KLHL36: variants seen among roughly 807,000 people sequenced by gnomAD.
KLHL36 encodes the protein kelch-like protein 36.
KLHL36 carries 35 observed loss-of-function variants against 53.3 expected under a neutral mutation model. The ratio of observed to expected loss-of-function variants is 0.66; its 90% CI spans 0.50 to 0.87. KLHL36 has a LOEUF of 0.87. Ranked by LOEUF, KLHL36 falls within the 40% of genes least tolerant of loss-of-function variation. The pLI is 0.00. For synonymous variants in KLHL36, 472 were observed against 398.9 expected (o/e 1.18, Z -2.18); for missense variants, 864 against 897.6 (o/e 0.96, Z 0.48).
intron 2 of KLHL36, among the ~76,000 whole-genome samples, chr16:84,653,219 A>C (rs78508706): frequency 0.014 from 2,185 of 152,146 alleles, 35 homozygotes; most frequent in African/African-American, 0.042. Context: ...CCTGTCTCAA[A>C]AAAAAAAAGT....
At chr16:84,658,920 C>G (rs1041530317) in intron 3 of KLHL36, 3 of 152,122 alleles carry the variant, frequency 2.0e-5, no homozygotes, top group African/African-American at 7.2e-5. Context: ...TTGGAGCCTC[C>G]TCCCGAAGCC....
At chr16:84,660,759 C>G (rs1907499800) in intron 4 of KLHL36, among the ~76,000 whole-genome samples, 1 of 152,086 alleles carries the variant, frequency 6.6e-6, no homozygotes, top group African/African-American at 2.4e-5. Flanking sequence ...GTAGCTGGGA[C>G]TGCAGGCGCC....
rs1366245458 is a variant in KLHL36 at position 84,661,614 on chromosome 16, C to T, written c.1332C>T (p.Asp444=). The part of the protein sequence containing the change: ...TYGHAGTIYK[D]FVYISGGHDY... Reference sequence around the variant, plus strand: ...GCCACGCGGGCACCATCTACAAAGACTTCGTGTACATCTCGGGGGGCCACG... The same window carrying T: ...GCCACGCGGGCACCATCTACAAAGATTTCGTGTACATCTCGGGGGGCCACG... Residue 444 remains aspartate, a synonymous_variant, in exon 5 of 5, where the codon GAC becomes GAT. Coordinates refer to ENST00000564996, the MANE Select transcript of KLHL36 (RefSeq NM_024731.4). The surrounding 1 kb of genome is among the most constrained non-coding windows in gnomAD (Gnocchi z 7.9). 5 of 1,609,074 alleles carry T rather than the reference C, an allele frequency of 3.1e-6. No homozygotes were observed. Among genetic ancestry groups the T allele is most frequent in the Middle Eastern group, 1.7e-4 (1 of 6,016 alleles).
In KLHL36 at chr16:84,648,559, C is replaced by CG. The variant is rs1300629361; in HGVS notation, c.-102dup. 1.0e-4 allele frequency: 15 copies of CG among 147,558 alleles called. No individual in the cohort carries two copies. The highest frequency in any genetic ancestry group is 3.2e-4 in the African/African-American group (13 of 40,948). 9.1% of individuals were successfully genotyped at this position (147,558 alleles called of 1,614,324 possible). On this transcript the variant is annotated 5_prime_UTR_variant, in exon 1 of 5. It introduces an in-frame stop codon into an upstream open reading frame of the 5' UTR. Transcript: ENST00000564996. The surrounding 1 kb of genome is among the most constrained non-coding windows in gnomAD (Gnocchi z 4.9). The stretch of plus-strand genomic sequence containing the variant: ...AGCCATGGCTGCGCAGCGGGCTGGC[C>CG]GGGGGTCTCCTGAACCCGGGCCCCG...
At chr16:84,660,718 C>T (rs895453609) in intron 4 of KLHL36, among the ~76,000 whole-genome samples, 1 of 152,252 alleles carries the variant, frequency 6.6e-6, no homozygotes, top group Admixed American at 6.5e-5. Flanking sequence ...GCCTCCTGAA[C>T]TCAAGCAGTT....
chr16:84,649,622 C>T (rs1906708695), intron 1 of KLHL36, among the ~76,000 whole-genome samples: 1 of 152,220 alleles, frequency 6.6e-6, no homozygotes, highest in Non-Finnish European at 1.5e-5. Flanking sequence ...TTGTCATTGT[C>T]ACAAAGTTTC....
At chr16:84,656,511 C>T (rs922682757) in intron 2 of KLHL36, among the ~76,000 whole-genome samples, 4 of 150,850 alleles carry the variant, frequency 2.7e-5, no homozygotes, top group Admixed American at 1.3e-4. Context: ...GCCGGGCTGT[C>T]GTCCCAGCTA....
intron 2 of KLHL36, among the ~76,000 whole-genome samples, chr16:84,652,434 C>G (rs995360364): frequency 1.3e-5 from 2 of 152,108 alleles, no homozygotes; most frequent in African/African-American, 4.8e-5. Context: ...CCATGCCCAG[C>G]TAATTTTTGT....
At position 84,661,905 on chromosome 16, in the gene KLHL36, G is replaced by A. The variant is rs531559452; in HGVS notation, c.1623G>A (p.Val541=). The A allele has an allele frequency of 1.8e-4, 288 of 1,599,384 alleles. 2 individuals carry two copies. The highest frequency in any genetic ancestry group is 1.0e-3 in the South Asian group (91 of 90,260). ...TGCACGCCAACAGCGAGTCGGGCGT[G>A]GCAGTGTGGGAGGGCCGCATCTACA... The part of the protein sequence containing the change: ...PLLHANSESG[V]AVWEGRIYIL... The change falls in exon 5 of 5, where the codon GTG becomes GTA. Residue 541 remains valine, a synonymous_variant. Transcript: ENST00000564996. The surrounding 1 kb of genome is among the most constrained non-coding windows in gnomAD (Gnocchi z 7.9).
rs1386284094 is a variant in KLHL36 at position 84,648,559 on chromosome 16, C to T, written c.-107C>T. 1.4e-5 allele frequency: 2 copies of T among 147,558 alleles called. No individual in the cohort carries two copies. The highest frequency in any genetic ancestry group is 2.4e-5 in the African/African-American group (1 of 40,948). The allele number at this position is 147,558 out of a possible 1,614,324, so 9.1% of individuals were successfully genotyped here. A position where few individuals can be genotyped will look rare whatever the true frequency, so the allele number is the denominator to read the frequency against. ...AGCCATGGCTGCGCAGCGGGCTGGC[C>T]GGGGGTCTCCTGAACCCGGGCCCCG... is the stretch of plus-strand genomic sequence containing the variant. On this transcript the variant is annotated 5_prime_UTR_variant, in exon 1 of 5. Coordinates refer to ENST00000564996, the MANE Select transcript of KLHL36 (RefSeq NM_024731.4). This position sits in a 1 kb window ranked among gnomAD's most constrained non-coding sequence, Gnocchi z 4.9.
Position 84,650,863 on chromosome 16 carries a change from C to G in KLHL36, c.-5C>G, listed in dbSNP as rs758178444. On this transcript the variant is annotated 5_prime_UTR_variant, in exon 2 of 5. Transcript: ENST00000564996. ...TGTTCTTCTCCTAGGGCTGAAATCTCTTTAATGATGGAGGGAAGCAGGCAG... is the reference window on the plus strand; with the variant it reads ...TGTTCTTCTCCTAGGGCTGAAATCTGTTTAATGATGGAGGGAAGCAGGCAG... 1.2e-6 allele frequency: 2 copies of G among 1,611,526 alleles called. No homozygotes were observed. Among genetic ancestry groups the G allele is most frequent in the Non-Finnish European group, 1.7e-6 (2 of 1,179,182 alleles).
Position 84,661,999 on chromosome 16 carries a change from G to A in KLHL36, c.1717G>A (p.Asp573Asn), listed in dbSNP as rs761686451. The A allele has an allele frequency of 1.0e-5, 16 of 1,593,654 alleles. No individual in the cohort carries two copies. Among genetic ancestry groups the A allele is most frequent in the South Asian group, 2.3e-5 (2 of 87,964 alleles). ...KTVQVYDREADKWSRGVDLPK... is the reference protein window; with the variant it reads ...KTVQVYDREANKWSRGVDLPK... The stretch of plus-strand genomic sequence containing the variant: ...CGTGCAGGTGTACGACCGCGAGGCC[G>A]ACAAGTGGAGCAGGGGCGTCGACCT... Residue 573 changes from aspartate to asparagine, a missense_variant, in exon 5 of 5, where the codon GAC becomes AAC. Physicochemically the swap from Asp to Asn is conservative, Grantham distance 23 (BLOSUM62 1). Coordinates refer to ENST00000564996, the MANE Select transcript of KLHL36 (RefSeq NM_024731.4). The surrounding 1 kb of genome is among the most constrained non-coding windows in gnomAD (Gnocchi z 7.9).
intron 1 of KLHL36, among the ~76,000 whole-genome samples, chr16:84,650,511 T>G (rs1371094049): frequency 6.6e-6 from 1 of 152,124 alleles, no homozygotes; most frequent in Non-Finnish European, 1.5e-5. Flanking sequence ...CTTAAGTCAC[T>G]TAGCTTGGTT....
rs752481022 is a variant in KLHL36 at position 84,650,862 on chromosome 16, T to C, written c.-6T>C. The stretch of plus-strand genomic sequence containing the variant: ...CTGTTCTTCTCCTAGGGCTGAAATC[T>C]CTTTAATGATGGAGGGAAGCAGGCA... On this transcript the variant is annotated 5_prime_UTR_variant, in exon 2 of 5. Coordinates refer to ENST00000564996, the MANE Select transcript of KLHL36 (RefSeq NM_024731.4). 4 of 1,611,338 alleles carry C rather than the reference T, an allele frequency of 2.5e-6. No individual in the cohort carries two copies. The highest frequency in any genetic ancestry group is 2.5e-6 in the Non-Finnish European group (3 of 1,179,072).
chr16:84,662,872 C>A lies in KLHL36; in HGVS notation c.*739C>A, dbSNP rs1055453074. ...TCCTCATTGGAAACCTTCTTGAATT[C>A]TAAAACGTTACAGGTAACCAAAAAC... On this transcript the variant is annotated 3_prime_UTR_variant, in exon 5 of 5. Coordinates refer to ENST00000564996, the MANE Select transcript of KLHL36 (RefSeq NM_024731.4). The A allele has an allele frequency of 6.6e-6, 1 of 152,006 alleles. No individual in the cohort carries two copies. Among genetic ancestry groups the A allele is most frequent in the Non-Finnish European group, 1.5e-5 (1 of 68,020 alleles). 9.4% of individuals were successfully genotyped at this position (152,006 alleles called of 1,614,324 possible).
In KLHL36 at chr16:84,656,931, C is replaced by T. The variant is rs201156780; in HGVS notation, c.124C>T (p.Arg42Cys). 1.9e-5 allele frequency: 30 copies of T among 1,613,350 alleles called. No individual in the cohort carries two copies. Among genetic ancestry groups the T allele is most frequent in the South Asian group, 5.5e-5 (5 of 91,068 alleles). Residue 42 changes from arginine to cysteine, a missense_variant, in exon 3 of 5, where the codon CGC becomes TGC. Arg to Cys is a radical substitution (Grantham distance 180). Coordinates refer to ENST00000564996, the MANE Select transcript of KLHL36 (RefSeq NM_024731.4). Reference protein sequence around the residue: ...VLQRLNEQRLRGLFCDVVLVA... With the variant: ...VLQRLNEQRLCGLFCDVVLVA... ...GCAGCGGCTGAACGAGCAGCGTCTC[C>T]GCGGGCTCTTCTGCGACGTCGTCCT...
chr16:84,664,927 G>A lies in KLHL36; in HGVS notation c.*2794G>A, dbSNP rs1051907671. The A allele has an allele frequency of 3.9e-5, 6 of 152,392 alleles. No individual in the cohort carries two copies. Among genetic ancestry groups the A allele is most frequent in the African/African-American group, 1.4e-4 (6 of 41,582 alleles). The allele number at this position is 152,392 out of a possible 1,614,324, so 9.4% of individuals were successfully genotyped here. On this transcript the variant is annotated 3_prime_UTR_variant, in exon 5 of 5. Coordinates refer to ENST00000564996, the MANE Select transcript of KLHL36 (RefSeq NM_024731.4). ...AGTAGTCCCAGCTGCTTAGGAGGCT[G>A]AGGTGGGAGAATCACCTGAGCCTGG...
Position 84,661,978 on chromosome 16 carries a change from C to T in KLHL36, c.1696C>T (p.Gln566Ter). Residue 566 changes from glutamine to a stop codon, truncating the protein, a stop_gained, in exon 5 of 5, where the codon CAG becomes TAG. Transcript: ENST00000564996. LOFTEE classifies it high-confidence loss of function. This position sits in a 1 kb window ranked among gnomAD's most constrained non-coding sequence, Gnocchi z 7.9. ...GAACACTGCCTTCTCCAAGACCGTG[C>T]AGGTGTACGACCGCGAGGCCGACAA... ...WENTAFSKTV[Q>*]VYDREADKWS... The T allele has an allele frequency of 6.3e-7, 1 of 1,598,352 alleles. No individual in the cohort carries two copies. Among genetic ancestry groups the T allele is most frequent in the Non-Finnish European group, 8.5e-7 (1 of 1,173,758 alleles).
Position 84,666,361 on chromosome 16 carries a change from G to C in KLHL36, c.*4228G>C, listed in dbSNP as rs146345847. 1.8e-4 allele frequency: 28 copies of C among 152,252 alleles called. No homozygotes were observed. The highest frequency in any genetic ancestry group is 6.7e-4 in the African/African-American group (28 of 41,530). The allele number at this position is 152,252 out of a possible 1,614,324, so 9.4% of individuals were successfully genotyped here. Reference sequence around the variant, plus strand: ...CCTTCTCCATCGCTGATGTGATACAGCTCTAGAATTTCGTGAAGTTGCATG... The same window carrying C: ...CCTTCTCCATCGCTGATGTGATACACCTCTAGAATTTCGTGAAGTTGCATG... On this transcript the variant is annotated 3_prime_UTR_variant, in exon 5 of 5. Coordinates refer to ENST00000564996, the MANE Select transcript of KLHL36 (RefSeq NM_024731.4).
Sources: gnomAD v4.1 joint callset for allele counts (sites outside exome capture counted in the v4.1 genomes callset) on GRCh38, gnomAD v4.1.1 for gene constraint, Gnocchi (gnomAD v3.1) non-coding constraint, MANE v1.5 for transcripts, NCBI Gene and HGNC (gene_info 2026-07-23, HGNC 2026-07-21) for gene names.